The following NCKAP5 variants were observed in gnomAD, a reference collection of about 807,000 sequenced individuals.
NCKAP5 encodes nck-associated protein 5.
A neutral mutation model predicts 167.0 loss-of-function variants in NCKAP5; 92 were observed. That is an observed-to-expected ratio of 0.55 (90% CI 0.47 to 0.66). The LOEUF is 0.66. Ranked by LOEUF, NCKAP5 falls within the 30% of genes least tolerant of loss-of-function variation. The pLI is 0.00. For synonymous variants in NCKAP5, 891 were observed against 877.4 expected, an observed-to-expected ratio of 1.02 and a Z score of -0.27; for missense variants, 2,378 against 2,315.0, an observed-to-expected ratio of 1.03 and a Z score of -0.56.
chr2:133,434,176 G>A (rs1690328207), intron 3 of NCKAP5, among the ~76,000 whole-genome samples: 1 of 152,150 alleles, frequency 6.6e-6, no homozygotes, highest in Non-Finnish European at 1.5e-5. Flanking sequence ...GATAATCCAA[G>A]ATATGTTTAG....
At chr2:132,921,129 C>T (rs763697128) in intron 8 of NCKAP5, among the ~76,000 whole-genome samples, 35 of 151,946 alleles carry the variant, frequency 2.3e-4, no homozygotes, top group Non-Finnish European at 4.4e-4. Flanking sequence ...CTCATCCTCT[C>T]ACGAAGCTTT....
At position 133,125,001 on chromosome 2, in the gene NCKAP5, G is replaced by A. The variant is rs918181712; in HGVS notation, c.341+4977C>T. Among the ~76,000 whole-genome samples, 3 of 152,144 alleles carry A rather than the reference G, an allele frequency of 2.0e-5. No homozygotes were observed. The South Asian group carries it at 6.2e-4, about 32-fold the overall frequency. Reference sequence around the variant, plus strand: ...GTGTAGGCTGCAGCGAGGTGAGGCTGCACCACTACACTCCAGCCTGGGGAA... The same window carrying A: ...GTGTAGGCTGCAGCGAGGTGAGGCTACACCACTACACTCCAGCCTGGGGAA... On this transcript the variant is annotated intron_variant, in intron 6 of 19. Transcript: ENST00000409261.
At chr2:132,781,601 A>G (rs773416061) in intron 14 of NCKAP5, among the ~76,000 whole-genome samples, 1 of 152,198 alleles carries the variant, frequency 6.6e-6, no homozygotes, top group African/African-American at 2.4e-5. Flanking sequence ...GCATGCTTTA[A>G]AACGTATGTG....
intron 3 of NCKAP5, chr2:133,381,473 A>C (rs1686517417): frequency 6.6e-6 from 1 of 152,252 alleles, no homozygotes; most frequent in Non-Finnish European, 1.5e-5. Context: ...AAAATAGCCA[A>C]GAACTGCTCC....
intron 8 of NCKAP5, among the ~76,000 whole-genome samples, chr2:132,956,136 T>G (rs2076336033): frequency 6.6e-6 from 1 of 152,230 alleles, no homozygotes; most frequent in Non-Finnish European, 1.5e-5. Context: ...ATGGATATGT[T>G]AACTAGCTTG....
At chr2:133,599,045 A>G in the NCKAP5 span, among the ~76,000 whole-genome samples, 1 of 152,148 alleles carries the variant, frequency 6.6e-6, no homozygotes, top group Non-Finnish European at 1.5e-5. Context: ...CTTTGTAAGG[A>G]CTGTCATTGG....
In NCKAP5 at chr2:132,895,289, T is replaced by C. The variant is rs150069793; in HGVS notation, c.580-16373A>G. Among the ~76,000 whole-genome samples, 752 of 145,584 alleles carry C rather than the reference T, an allele frequency of 5.2e-3. 8 individuals carry two copies. Among genetic ancestry groups the C allele is most frequent in the African/African-American group, 0.018 (704 of 38,998 alleles). On this transcript the variant is annotated intron_variant, in intron 8 of 19. Transcript: ENST00000409261. ...GAGTTTGCGGTGAGCCGAGATCGCG[T>C]CACTGCACTCCAGCCTGGAGACTGG... is the stretch of plus-strand genomic sequence containing the variant.
intron 3 of NCKAP5, among the ~76,000 whole-genome samples, chr2:133,499,998 A>G (rs576375024): frequency 9.2e-5 from 14 of 152,178 alleles, no homozygotes; most frequent in African/African-American, 3.1e-4. Context: ...AACACTTCCA[A>G]GTCTGGGCTT....
At chr2:133,078,922 T>G (rs1399382502) in intron 6 of NCKAP5, among the ~76,000 whole-genome samples, 2 of 152,150 alleles carry the variant, frequency 1.3e-5, no homozygotes, top group African/African-American at 4.8e-5. Flanking sequence ...GCTTTTCATA[T>G]TTTATATGAG....
the NCKAP5 span, among the ~76,000 whole-genome samples, chr2:133,658,145 G>A: frequency 6.7e-6 from 1 of 149,530 alleles, no homozygotes; most frequent in Non-Finnish European, 1.5e-5. Flanking sequence ...ATTGAAGGGT[G>A]CGAACACATC....
intron 19 of NCKAP5, among the ~76,000 whole-genome samples, chr2:132,705,541 C>A (rs533220642): frequency 4.6e-5 from 7 of 152,236 alleles, no homozygotes; most frequent in African/African-American, 1.4e-4. Flanking sequence ...CTTGAAAACT[C>A]TTTCATAATC....
At chr2:132,894,154 G>A (rs1477710680) in intron 8 of NCKAP5, among the ~76,000 whole-genome samples, 1 of 152,166 alleles carries the variant, frequency 6.6e-6, no homozygotes, top group Non-Finnish European at 1.5e-5. Context: ...GGGAAGATGG[G>A]GAGATCCAAA....
rs182507194 is a variant in NCKAP5 at position 133,048,505 on chromosome 2, A to G, written c.342-54266T>C. Among the ~76,000 whole-genome samples, 472 of 152,342 alleles carry G rather than the reference A, an allele frequency of 3.1e-3. 1 individual carries two copies. Among genetic ancestry groups the G allele is most frequent in the Non-Finnish European group, 4.9e-3 (335 of 68,040 alleles). On this transcript the variant is annotated intron_variant, in intron 6 of 19. Transcript: ENST00000409261. ...TCTTAAGTTTTCAGAACTCATCACC[A>G]ATGGTTTATAATGGATACTTGTTTG...
chr2:132,943,100 C>G (rs978855207), intron 8 of NCKAP5, among the ~76,000 whole-genome samples: 5 of 152,156 alleles, frequency 3.3e-5, no homozygotes, highest in African/African-American at 9.7e-5. Flanking sequence ...CTGAACCTAC[C>G]AGGGTCTGAA....
intron 4 of NCKAP5, among the ~76,000 whole-genome samples, chr2:133,234,725 A>G (rs1347529867): frequency 1.3e-5 from 2 of 152,054 alleles, no homozygotes; most frequent in Non-Finnish European, 2.9e-5. Context: ...TTCATCCTAG[A>G]GGGTGACAAG....
rs76823774 is a variant in NCKAP5 at position 132,759,811 on chromosome 2, A to T, written c.5128+14005T>A. 6.5e-3 allele frequency among the ~76,000 whole-genome samples: 989 copies of T among 152,102 alleles called. 14 individuals are homozygous for T. Among genetic ancestry groups the T allele is most frequent in the African/African-American group, 0.022 (934 of 41,530 alleles). On this transcript the variant is annotated intron_variant, in intron 16 of 19. Coordinates refer to ENST00000409261, the MANE Select transcript of NCKAP5 (RefSeq NM_207363.3). ...ATTTTAGTCTATGTACATTTATTAC[A>T]AATCCTCTATGTTCAGATTTCTACC...
intron 3 of NCKAP5, among the ~76,000 whole-genome samples, chr2:133,411,640 A>T (rs1171408249): frequency 6.6e-6 from 1 of 152,152 alleles, no homozygotes; most frequent in Non-Finnish European, 1.5e-5. Context: ...TGAACGGAAA[A>T]CAGGGAGGGT....
chr2:132,945,135 C>T (rs991012619), intron 8 of NCKAP5, among the ~76,000 whole-genome samples: 7 of 152,110 alleles, frequency 4.6e-5, no homozygotes, highest in Non-Finnish European at 1.0e-4. Flanking sequence ...CCTCAGGGGA[C>T]AGGAGAAGGG....
intron 6 of NCKAP5, among the ~76,000 whole-genome samples, chr2:133,121,032 GTCC>G (rs1365837938): frequency 6.6e-6 from 1 of 152,034 alleles, no homozygotes; most frequent in Non-Finnish European, 1.5e-5. Flanking sequence ...AACAAACAAT[GTCC>G]CCTGGATAGG....
Sources: allele counts gnomAD v4.1 joint callset (sites outside exome capture counted in the v4.1 genomes callset), GRCh38; gene constraint gnomAD v4.1.1; transcripts MANE v1.5; gene names NCBI Gene and HGNC (gene_info 2026-07-23, HGNC 2026-07-21).